The following POTEC variants were observed in gnomAD, a reference collection of about 807,000 sequenced individuals.
POTEC encodes POTE ankyrin domain family member C.
POTEC carries 35 observed loss-of-function variants against 62.0 expected under a neutral mutation model. That is an observed-to-expected ratio of 0.56 (90% confidence interval 0.43 to 0.75). The LOEUF (loss-of-function observed/expected upper bound fraction) is 0.75, where lower values mean the gene tolerates loss of function less well. Among genes scored for constraint, POTEC ranks in the 30% least tolerant of loss-of-function variants. POTEC has a pLI of 0.00. For missense variants in POTEC, 472 were observed against 655.9 expected, an observed-to-expected ratio of 0.72 and a Z score of 3.06; for synonymous variants, 156 against 221.5, an observed-to-expected ratio of 0.70 and a Z score of 2.62.
At chr18:14,513,868 T>C in intron 9 of POTEC, 83 bp from the exon 10 acceptor site, 1 of 1,595,904 alleles carries the variant, frequency 6.3e-7, no homozygotes, top group Non-Finnish European at 8.5e-7. Flanking sequence ...TCAGATGTCA[T>C]TCACACAATG....
Position 14,543,438 on chromosome 18 carries a change from G to C in POTEC, c.-292C>G. On this transcript the variant is annotated 5_prime_UTR_variant, in exon 1 of 11. Coordinates refer to ENST00000358970, the MANE Select transcript of POTEC (RefSeq NM_001137671.2). ...CCCAGTCAAGGGAATGCCAAACCCA[G>C]CAGAGAAAAAGTCAAGCCCAGCAAA... 1 of 569,646 alleles carries C rather than the reference G, an allele frequency of 1.8e-6. No homozygotes were observed. The highest frequency in any genetic ancestry group is 3.3e-5 in the Admixed American group (1 of 30,536). 35.3% of individuals were successfully genotyped at this position (569,646 alleles called of 1,614,324 possible). A position where few individuals can be genotyped will look rare whatever the true frequency, so the allele number is the denominator to read the frequency against.
At chr18:14,528,803 A>T (rs1489460407) in intron 6 of POTEC, 1 of 375,662 alleles carries the variant, frequency 2.7e-6, no homozygotes, top group Non-Finnish European at 5.2e-6. Flanking sequence ...TATAGTATTT[A>T]AAAAGTCTAT....
intron 10 of POTEC, among the ~76,000 whole-genome samples, chr18:14,512,973 GATT>G (rs1356730738): frequency 5.3e-5 from 8 of 152,164 alleles, no homozygotes; most frequent in Admixed American, 2.0e-4. Flanking sequence ...GAAATCATGA[GATT>G]ATTTGCCATT....
intron 3 of POTEC, among the ~76,000 whole-genome samples, chr18:14,537,194 CACACACACACACACACAAAA>C: frequency 1.2e-5 from 1 of 82,164 alleles, no homozygotes; most frequent in East Asian, 5.2e-4. Flanking sequence ...CACACACACA[CACACACACACACACACAAAA>C]AAAAAAAAAA....
intron 4 of POTEC, among the ~76,000 whole-genome samples, chr18:14,533,983 T>C (rs1428011437): frequency 1.3e-5 from 2 of 151,094 alleles, no homozygotes; most frequent in Non-Finnish European, 3.0e-5. Flanking sequence ...TGCAGGTTAG[T>C]TACATATGTA....
rs1318083290 is a variant in POTEC, at chr18:14,509,001, C to G, written c.*2897G>C. Reference sequence around the variant, plus strand: ...TTTTTGGAGGATTTTAAGGGGCCAACATGCAGCTCCCAATTCTTGGACTGT... The same window carrying G: ...TTTTTGGAGGATTTTAAGGGGCCAAGATGCAGCTCCCAATTCTTGGACTGT... On this transcript the variant is annotated 3_prime_UTR_variant, in exon 11 of 11. Coordinates refer to ENST00000358970, the MANE Select transcript of POTEC (RefSeq NM_001137671.2). 6.6e-6 allele frequency: 1 copy of G among 152,184 alleles called. No individual in the cohort carries two copies. Among genetic ancestry groups the G allele is most frequent in the African/African-American group, 2.4e-5 (1 of 41,446 alleles). 9.4% of individuals were successfully genotyped at this position (152,184 alleles called of 1,614,324 possible). A position where few individuals can be genotyped will look rare whatever the true frequency, so the allele number is the denominator to read the frequency against.
chr18:14,530,604 A>G, intron 5 of POTEC, 51 bp from the exon 6 acceptor site: 1 of 1,317,210 alleles, frequency 7.6e-7, no homozygotes, highest in Non-Finnish European at 1.0e-6. Flanking sequence ...ACTGATATAA[A>G]AAATACTTAC....
Position 14,513,667 on chromosome 18 carries a change from A to C in POTEC, c.1528T>G (p.Ser510Ala), listed in dbSNP as rs776485592. Residue 510 changes from serine to alanine, a missense_variant, in exon 10 of 11, where the codon TCT becomes GCT. This residue lies in a region of POTEC where 67 missense variants were observed against 58.3 expected (regional missense o/e 1.15). Transcript: ENST00000358970. ...AAAATGACTAAAGAAAATACCTCAG[A>C]ATTCATTTTCTTTTCAGCCACTTCT... ...QIEVAEKKMNSELSLSHKKEE... is the reference protein window; with the variant it reads ...QIEVAEKKMNAELSLSHKKEE... 8 of 1,611,580 alleles carry C rather than the reference A, an allele frequency of 5.0e-6. No individual in the cohort carries two copies. The highest frequency in any genetic ancestry group is 6.8e-6 in the Non-Finnish European group (8 of 1,179,794).
Position 14,507,839 on chromosome 18 carries a change from C to T in POTEC, c.*4059G>A, listed in dbSNP as rs1210319057. ...TCTTGTTTCTCCTTCACTTATGATG[C>T]TTAATTTTGCTGGACATGAAATTCT... On this transcript the variant is annotated 3_prime_UTR_variant, in exon 11 of 11. Transcript: ENST00000358970. 20 of 152,146 alleles carry T rather than the reference C, an allele frequency of 1.3e-4. No homozygotes were observed. The highest frequency in any genetic ancestry group is 1.3e-3 in the Admixed American group (20 of 15,276). The allele number at this position is 152,146 out of a possible 1,614,324, so 9.4% of individuals were successfully genotyped here. A position where few individuals can be genotyped will look rare whatever the true frequency, so the allele number is the denominator to read the frequency against.
At chr18:14,533,315 C>T (rs1736633750) in intron 4 of POTEC, 117 bp from the exon 5 acceptor site, 1 of 1,534,498 alleles carries the variant, frequency 6.5e-7, no homozygotes, top group African/African-American at 1.4e-5. Flanking sequence ...CAAACATTTA[C>T]ATGCACTAAA....
At position 14,507,689 on chromosome 18, in the gene POTEC, T is replaced by G. The variant is rs928370847; in HGVS notation, c.*4209A>C. 1 of 152,160 alleles carries G rather than the reference T, an allele frequency of 6.6e-6. No homozygotes were observed. The highest frequency in any genetic ancestry group is 2.4e-5 in the African/African-American group (1 of 41,426). 9.4% of individuals were successfully genotyped at this position (152,160 alleles called of 1,614,324 possible). A position where few individuals can be genotyped will look rare whatever the true frequency, so the allele number is the denominator to read the frequency against. On this transcript the variant is annotated 3_prime_UTR_variant, in exon 11 of 11. Transcript: ENST00000358970. ...TTTTAGCATCACTTGTCTGTGTACT[T>G]CAGTGTGTTTTTGTAGTGGCTGGTG...
chr18:14,520,067 GA>G (rs1019974449), intron 9 of POTEC, among the ~76,000 whole-genome samples: 13 of 151,460 alleles, frequency 8.6e-5, no homozygotes, highest in Middle Eastern at 3.4e-3. Context: ...AAGAGTGAAT[GA>G]AAAAAAAATT....
chr18:14,527,036 G>T (rs572335596), intron 6 of POTEC, among the ~76,000 whole-genome samples: 1 of 152,166 alleles, frequency 6.6e-6, no homozygotes, highest in Non-Finnish European at 1.5e-5. Context: ...ATTTGGGAAG[G>T]TGCTTTATAA....
intron 9 of POTEC, among the ~76,000 whole-genome samples, chr18:14,515,482 AAGAT>A (rs1409484222): frequency 2.0e-5 from 3 of 152,126 alleles, no homozygotes; most frequent in Non-Finnish European, 2.9e-5. Flanking sequence ...CTGGGAAAAA[AAGAT>A]AGTCACATAT....
chr18:14,509,397 T>C lies in POTEC; in HGVS notation c.*2501A>G, dbSNP rs982505711. 50 of 151,446 alleles carry C rather than the reference T, an allele frequency of 3.3e-4. No individual in the cohort carries two copies. Among genetic ancestry groups the C allele is most frequent in the African/African-American group, 1.2e-3 (48 of 41,210 alleles). 9.4% of individuals were successfully genotyped at this position (151,446 alleles called of 1,614,324 possible). A position where few individuals can be genotyped will look rare whatever the true frequency, so the allele number is the denominator to read the frequency against. On this transcript the variant is annotated 3_prime_UTR_variant, in exon 11 of 11. Coordinates refer to ENST00000358970, the MANE Select transcript of POTEC (RefSeq NM_001137671.2). ...GGGTGAGATGCTAGCAGGGGTGGGG[T>C]TTTTGGTTCTGTGCCCACCATGGCT... is the stretch of plus-strand genomic sequence containing the variant.
chr18:14,526,443 T>C (rs1910439565), intron 6 of POTEC, among the ~76,000 whole-genome samples: 1 of 152,072 alleles, frequency 6.6e-6, no homozygotes, highest in South Asian at 2.1e-4. Flanking sequence ...AGAAATTTCT[T>C]ATTGAGACCT....
In POTEC at chr18:14,520,716, G is replaced by A. The variant is rs527301199; in HGVS notation, c.1409+1538C>T. Among the ~76,000 whole-genome samples, 22 of 151,930 alleles carry A rather than the reference G, an allele frequency of 1.4e-4. No homozygotes were observed. In the South Asian group the frequency reaches 2.5e-3, roughly 17 times the overall value. On this transcript the variant is annotated intron_variant, in intron 9 of 10. Transcript: ENST00000358970. ...TAGCAGCACCTTCCTTTTAGCACAC[G>A]GGTCAGCAAATTAGCACCTGTGGGC...
At chr18:14,514,553 C>G (rs1284131820) in intron 9 of POTEC, among the ~76,000 whole-genome samples, 1 of 152,194 alleles carries the variant, frequency 6.6e-6, no homozygotes, top group Non-Finnish European at 1.5e-5. Flanking sequence ...CCCTTTGGAA[C>G]AAGACAGGGT....
At position 14,511,780 on chromosome 18, in the gene POTEC, G is replaced by A. The variant is rs1436475392; in HGVS notation, c.*118C>T. 9.8e-5 allele frequency: 109 copies of A among 1,113,808 alleles called. No individual in the cohort carries two copies. Among genetic ancestry groups the A allele is most frequent in the African/African-American group, 9.8e-4 (58 of 59,336 alleles). 69.0% of individuals were successfully genotyped at this position (1,113,808 alleles called of 1,614,324 possible). Reference sequence around the variant, plus strand: ...CCACTGTACTTAAATATTGGTTTTCGTTAATGCTTCTTCATTCAATTGCAT... The same window carrying A: ...CCACTGTACTTAAATATTGGTTTTCATTAATGCTTCTTCATTCAATTGCAT... On this transcript the variant is annotated 3_prime_UTR_variant, in exon 11 of 11. Transcript: ENST00000358970.
Sources: allele counts gnomAD v4.1 joint callset (sites outside exome capture counted in the v4.1 genomes callset), GRCh38; gene constraint gnomAD v4.1.1; regional missense constraint gnomAD v4.1.1; transcripts MANE v1.5; gene names NCBI Gene and HGNC (gene_info 2026-07-23, HGNC 2026-07-21).